C1orf21: variants seen among roughly 807,000 people sequenced by gnomAD.
C1orf21 encodes chromosome 1 open reading frame 21, also known as uncharacterized protein C1orf21.
Under a neutral mutation model 18.7 loss-of-function variants are expected in C1orf21, and 3 were observed. The observed-to-expected ratio is 0.16, with a 90% CI of 0.07 to 0.42. C1orf21 has a LOEUF of 0.42. Ranked by LOEUF, C1orf21 falls within the 10% of genes least tolerant of loss-of-function variation. The pLI, the probability that C1orf21 is intolerant of heterozygous loss-of-function variation, is 0.99. For synonymous variants in C1orf21, 41 were observed against 46.4 expected (o/e 0.88, Z 0.47); for missense variants, 104 against 143.6 (o/e 0.72, Z 1.41).
intron 1 of C1orf21, among the ~76,000 whole-genome samples, chr1:184,476,239 C>T (rs938351393): frequency 6.6e-6 from 1 of 152,058 alleles, no homozygotes; most frequent in Admixed American, 6.6e-5. Context: ...TGTAGTAGCA[C>T]TATCTGTGAA....
chr1:184,432,228 T>C (rs527833001), intron 1 of C1orf21, among the ~76,000 whole-genome samples: 26 of 152,350 alleles, frequency 1.7e-4, no homozygotes, highest in African/African-American at 5.3e-4. Flanking sequence ...CACATGTATG[T>C]TTATTGCAGC....
Position 184,445,343 on chromosome 1 carries a change from C to CCTCTCTCTCTCT in C1orf21, c.-124-32023_-124-32012dup, listed in dbSNP as rs57710614. The stretch of plus-strand genomic sequence containing the variant: ...TGTAAAACCACGCCCTTTTTTCAGA[C>CCTCTCTCTCTCT]CTCTCTCTCTCTCTCTCTCTCTCTC... On this transcript the variant is annotated intron_variant, in intron 1 of 5. Coordinates refer to ENST00000235307, the MANE Select transcript of C1orf21 (RefSeq NM_030806.4). Among the ~76,000 whole-genome samples, 1,137 of 134,834 alleles carry CCTCTCTCTCTCT rather than the reference C, an allele frequency of 8.4e-3. 13 individuals are homozygous for CCTCTCTCTCTCT. The highest frequency in any genetic ancestry group is 0.026 in the Middle Eastern group (7 of 270). 88.5% of individuals were successfully genotyped at this position (134,834 alleles called of 152,430 possible).
intron 3 of C1orf21, among the ~76,000 whole-genome samples, chr1:184,585,365 T>A (rs926286309): frequency 6.6e-6 from 1 of 152,232 alleles, no homozygotes; most frequent in Admixed American, 6.5e-5. Context: ...ACCTTCTTAG[T>A]AGACATTGTA....
intron 3 of C1orf21, among the ~76,000 whole-genome samples, chr1:184,518,270 C>T (rs992842415): frequency 2.6e-5 from 4 of 152,104 alleles, no homozygotes; most frequent in East Asian, 3.8e-4. Context: ...GTTTCTGATT[C>T]GGGAACAGAA....
intron 2 of C1orf21, among the ~76,000 whole-genome samples, chr1:184,480,775 G>A (rs1657641765): frequency 6.6e-6 from 1 of 152,140 alleles, no homozygotes; most frequent in African/African-American, 2.4e-5. Flanking sequence ...GACTTTTAAA[G>A]GGGGACTTGG....
In C1orf21 at chr1:184,397,105, G is replaced by C. The variant is rs539590624; in HGVS notation, c.-125+9737G>C. 7.8e-4 allele frequency among the ~76,000 whole-genome samples: 119 copies of C among 152,284 alleles called. 1 individual carries two copies. The highest frequency in any genetic ancestry group is 1.4e-3 in the Non-Finnish European group (94 of 68,016). On this transcript the variant is annotated intron_variant, in intron 1 of 5. Coordinates refer to ENST00000235307, the MANE Select transcript of C1orf21 (RefSeq NM_030806.4). ...AGGTGTGATAGAAAAGGATGGTGAA[G>C]GAGACTCAAACCAGGCAAGTGTGGT...
chr1:184,410,435 A>G (rs556476997), intron 1 of C1orf21, among the ~76,000 whole-genome samples: 1 of 150,578 alleles, frequency 6.6e-6, no homozygotes, highest in East Asian at 2.0e-4. Context: ...ATTTGTTTCC[A>G]GGTGGACATA....
In C1orf21 at chr1:184,623,288, A is replaced by G. The variant is rs1223567269; in HGVS notation, c.*3732A>G. The G allele has an allele frequency of 2.0e-5, 3 of 152,156 alleles. No individual in the cohort carries two copies. The highest frequency in any genetic ancestry group is 7.2e-5 in the African/African-American group (3 of 41,442). The allele number at this position is 152,156 out of a possible 1,614,324, so 9.4% of individuals were successfully genotyped here. A position where few individuals can be genotyped will look rare whatever the true frequency, so the allele number is the denominator to read the frequency against. On this transcript the variant is annotated 3_prime_UTR_variant, in exon 6 of 6. Coordinates refer to ENST00000235307, the MANE Select transcript of C1orf21 (RefSeq NM_030806.4). ...CTGAGTTGGAATCTTAGACTTCGGG[A>G]CTCTGACACGTTCTTTATGAAAGGC...
intron 1 of C1orf21, among the ~76,000 whole-genome samples, chr1:184,397,828 A>G (rs1656085426): frequency 6.6e-6 from 1 of 152,204 alleles, no homozygotes; most frequent in South Asian, 2.1e-4. Context: ...GTTAATTTGT[A>G]AGGGGATTAA....
At position 184,623,173 on chromosome 1, in the gene C1orf21, C is replaced by T. The variant is rs919941039; in HGVS notation, c.*3617C>T. Reference sequence around the variant, plus strand: ...CACTGGGCAAGAATTTAAGATTGTTCTATCTCTACTAGTCATAGAAAAGAA... The same window carrying T: ...CACTGGGCAAGAATTTAAGATTGTTTTATCTCTACTAGTCATAGAAAAGAA... On this transcript the variant is annotated 3_prime_UTR_variant, in exon 6 of 6. Coordinates refer to ENST00000235307, the MANE Select transcript of C1orf21 (RefSeq NM_030806.4). 6.6e-6 allele frequency: 1 copy of T among 152,166 alleles called. No homozygotes were observed. The highest frequency in any genetic ancestry group is 1.5e-5 in the Non-Finnish European group (1 of 68,022). 9.4% of individuals were successfully genotyped at this position (152,166 alleles called of 1,614,324 possible). A position where few individuals can be genotyped will look rare whatever the true frequency, so the allele number is the denominator to read the frequency against.
At chr1:184,527,719 C>T (rs1321010050) in intron 3 of C1orf21, among the ~76,000 whole-genome samples, 1 of 152,048 alleles carries the variant, frequency 6.6e-6, no homozygotes, top group Non-Finnish European at 1.5e-5. Context: ...AGATATAGGC[C>T]CTGTCACTTA....
intron 3 of C1orf21, among the ~76,000 whole-genome samples, chr1:184,583,444 C>G (rs1199747985): frequency 6.6e-6 from 1 of 152,144 alleles, no homozygotes; most frequent in East Asian, 1.9e-4. Flanking sequence ...TTTTTCCCAA[C>G]TGATGGAGCC....
chr1:184,536,245 C>T (rs1004547807), intron 3 of C1orf21, among the ~76,000 whole-genome samples: 10 of 152,096 alleles, frequency 6.6e-5, no homozygotes, highest in African/African-American at 2.2e-4. Flanking sequence ...TTATTTCTTC[C>T]ACGTACAATG....
At chr1:184,618,645 C>CG (rs1005164160) in intron 5 of C1orf21, among the ~76,000 whole-genome samples, 22 of 127,220 alleles carry the variant, frequency 1.7e-4, no homozygotes, top group East Asian at 2.1e-4. Flanking sequence ...TTCCCCCCCC[C>CG]CAAGAAAAAT....
chr1:184,488,709 A>G (rs1300337530), intron 2 of C1orf21, among the ~76,000 whole-genome samples: 1 of 152,232 alleles, frequency 6.6e-6, no homozygotes, highest in Non-Finnish European at 1.5e-5. Flanking sequence ...TCACGCCTAT[A>G]ATCCCAGCAC....
At chr1:184,441,891 G>A (rs981138767) in intron 1 of C1orf21, among the ~76,000 whole-genome samples, 6 of 152,136 alleles carry the variant, frequency 3.9e-5, no homozygotes, top group Non-Finnish European at 5.9e-5. Context: ...ATTGATGTTC[G>A]TAGGGCTTGA....
chr1:184,567,264 A>G, intron 3 of C1orf21: 1 of 462,028 alleles, frequency 2.2e-6, no homozygotes, highest in Non-Finnish European at 4.4e-6. Flanking sequence ...GTTCAGAAGG[A>G]GACTGTAAAG....
intron 3 of C1orf21, among the ~76,000 whole-genome samples, chr1:184,508,601 C>A (rs772256317): frequency 9.9e-5 from 15 of 152,116 alleles, no homozygotes; most frequent in Non-Finnish European, 2.1e-4. Context: ...GTATTTAGGG[C>A]TGTTATTTTC....
intron 3 of C1orf21, among the ~76,000 whole-genome samples, chr1:184,550,867 G>A (rs1658802787): frequency 6.6e-6 from 1 of 152,084 alleles, no homozygotes; most frequent in South Asian, 2.1e-4. Flanking sequence ...TGGATTTCCT[G>A]GACTTGGTTA....
Sources: gnomAD v4.1 joint callset for allele counts (sites outside exome capture counted in the v4.1 genomes callset) on GRCh38, gnomAD v4.1.1 for gene constraint, MANE v1.5 for transcripts, NCBI Gene and HGNC (gene_info 2026-07-23, HGNC 2026-07-21) for gene names.